Variants in E2F5 observed in about 807,000 individuals in gnomAD.
The protein encoded by E2F5 is E2F transcription factor 5, also known as transcription factor E2F5.
In E2F5, 23 loss-of-function variants were observed where a neutral mutation model predicts 39.1. The observed-to-expected ratio is 0.59, with a 90% CI of 0.42 to 0.83. The LOEUF (loss-of-function observed/expected upper bound fraction) is 0.83, where lower values mean the gene tolerates loss of function less well. Among genes scored for constraint, E2F5 ranks in the 40% least tolerant of loss-of-function variants. The pLI, the probability that E2F5 is intolerant of heterozygous loss-of-function variation, is 0.00. For missense variants in E2F5, 365 were observed against 406.7 expected (o/e 0.90, Z 0.88); for synonymous variants, 145 against 157.8 (o/e 0.92, Z 0.61).
chr8:85,186,640 G>A (rs1812342575), intron 1 of E2F5, among the ~76,000 whole-genome samples: 1 of 144,066 alleles, frequency 6.9e-6, no homozygotes, highest in South Asian at 2.1e-4. Context: ...TGGTATATAT[G>A]TAAGGTATAT....
At chr8:85,198,855 G>T (rs183265891) in intron 1 of E2F5, among the ~76,000 whole-genome samples, 2 of 152,074 alleles carry the variant, frequency 1.3e-5, no homozygotes, top group African/African-American at 4.8e-5. Context: ...ACACACTCTC[G>T]TGTCCAGTGG....
chr8:85,196,771 A>G (rs1333856317), intron 1 of E2F5, among the ~76,000 whole-genome samples: 1 of 152,232 alleles, frequency 6.6e-6, no homozygotes, highest in African/African-American at 2.4e-5. Context: ...ATGTCTCTGT[A>G]AGATTCTATT....
At chr8:85,197,432 A>G (rs541839841) in intron 1 of E2F5, among the ~76,000 whole-genome samples, 1 of 152,298 alleles carries the variant, frequency 6.6e-6, no homozygotes, top group African/African-American at 2.4e-5. Context: ...ACGTGGCCTC[A>G]TGATTATTAA....
chr8:85,213,542 TAAAAAAA>T lies in E2F5; in HGVS notation c.932-198_932-192del, dbSNP rs536955367. 208 of 121,478 alleles carry T rather than the reference TAAAAAAA, an allele frequency of 1.7e-3. 2 individuals are homozygous for T. The highest frequency in any genetic ancestry group is 7.8e-3 in the African/African-American group (155 of 19,842). The allele number at this position is 121,478 out of a possible 1,614,324, so 7.5% of individuals were successfully genotyped here. ...TGGACGAAACAGGGAGACTCCATCTTAAAAAAAAAAAAAAAAAAAGAAAAAATTAACT... is the reference window on the plus strand; with the variant it reads ...TGGACGAAACAGGGAGACTCCATCTTAAAAAAAAAAAAGAAAAAATTAACT... On this transcript the variant is annotated intron_variant, in intron 7 of 7. Transcript: ENST00000416274.
Position 85,209,397 on chromosome 8 carries a change from G to T in E2F5, c.871G>T (p.Asp291Tyr), listed in dbSNP as rs1263772285. 6.2e-7 allele frequency: 1 copy of T among 1,609,562 alleles called. No homozygotes were observed. The highest frequency in any genetic ancestry group is 8.5e-7 in the Non-Finnish European group (1 of 1,177,634). The change falls in exon 6 of 8, where the codon GAT (aspartate) becomes TAT (tyrosine). Residue 291 changes from aspartate (D) to tyrosine (Y), a missense_variant. By Grantham distance (160) the Asp-to-Tyr change is radical. Coordinates refer to ENST00000416274, the MANE Select transcript of E2F5 (RefSeq NM_001951.4). ...GGCTCTGCAGCAGACATCAGCTACA[G>T]ATATATCTTCAGGTGGGTTCAGAGC... ...SQALQQTSAT[D>Y]ISSAGSISGD... is the part of the protein sequence containing the mutation.
At chr8:85,177,823 G>A (rs1468451006) in intron 1 of E2F5, 169 bp downstream of exon 1, 1 of 1,109,056 alleles carries the variant, frequency 9.0e-7, no homozygotes, top group Non-Finnish European at 1.1e-6. Flanking sequence ...TGGACGCCGG[G>A]ATGGGGGAGG....
At chr8:85,180,534 A>ATG (rs1176361332) in intron 1 of E2F5, among the ~76,000 whole-genome samples, 2 of 117,058 alleles carry the variant, frequency 1.7e-5, no homozygotes, top group Admixed American at 1.8e-4. Context: ...ATATATATAT[A>ATG]TATATATATA....
At position 85,177,560 on chromosome 8, in the gene E2F5, G is replaced by C; in HGVS notation, c.140G>C (p.Gly47Ala). The change falls in exon 1 of 8, where the codon GGC becomes GCC. Residue 47 changes from glycine (G) to alanine (A), a missense_variant. Transcript: ENST00000416274. ...PPPQLGGAGG[G>A]SSRHEKSLGL... ...CCGCAGCTCGGGGGCGCCGGGGGCGGCAGCAGCAGGCACGAGAAGAGCCTG... is the reference window on the plus strand; with the variant it reads ...CCGCAGCTCGGGGGCGCCGGGGGCGCCAGCAGCAGGCACGAGAAGAGCCTG... 1 of 1,261,160 alleles carries C rather than the reference G, an allele frequency of 7.9e-7. No individual in the cohort carries two copies. Among genetic ancestry groups the C allele is most frequent in the Non-Finnish European group, 1.0e-6 (1 of 1,001,354 alleles). 78.1% of individuals were successfully genotyped at this position (1,261,160 alleles called of 1,614,324 possible). A position where few individuals can be genotyped will look rare whatever the true frequency, so the allele number is the denominator to read the frequency against.
At chr8:85,208,214 G>C (rs1006460412) in intron 5 of E2F5, among the ~76,000 whole-genome samples, 1 of 152,158 alleles carries the variant, frequency 6.6e-6, no homozygotes, top group Admixed American at 6.5e-5. Flanking sequence ...TGTAATCCCA[G>C]CTACTTGGGA....
chr8:85,213,499 A>T, intron 7 of E2F5: 1 of 191,804 alleles, frequency 5.2e-6, no homozygotes, highest in Non-Finnish European at 9.9e-6. Flanking sequence ...GCCGAGATCG[A>T]GCTACTGCAC....
chr8:85,181,593 C>A (rs953780273), intron 1 of E2F5, among the ~76,000 whole-genome samples: 1 of 148,088 alleles, frequency 6.8e-6, no homozygotes, highest in Non-Finnish European at 1.5e-5. Context: ...CCCACCTCGG[C>A]CTCCCAAAGT....
intron 1 of E2F5, among the ~76,000 whole-genome samples, chr8:85,193,168 T>TTA (rs1812502290): frequency 6.6e-6 from 1 of 152,148 alleles, no homozygotes; most frequent in East Asian, 1.9e-4. Flanking sequence ...TCAGTCAACT[T>TTA]TATATATATA....
chr8:85,178,869 A>C (rs982978156), intron 1 of E2F5, among the ~76,000 whole-genome samples: 1 of 152,228 alleles, frequency 6.6e-6, no homozygotes, highest in Non-Finnish European at 1.5e-5. Context: ...TTGGTGTTCA[A>C]TCAGTGATTG....
chr8:85,209,286 T>G lies in E2F5; in HGVS notation c.760T>G (p.Ser254Ala), dbSNP rs774118048. The part of the protein sequence containing the change: ...PPPDDLTQPS[S>A]QSLTPVTPQK... ...ACCTGATGACCTCACACAGCCTTCC[T>G]CCCAGTCCTTGACTCCAGTGACTCC... The change falls in exon 6 of 8, where the codon TCC becomes GCC. Residue 254 changes from serine to alanine, a missense_variant. Ser to Ala is a moderately conservative substitution (Grantham distance 99). Coordinates refer to ENST00000416274, the MANE Select transcript of E2F5 (RefSeq NM_001951.4). 4 of 1,613,948 alleles carry G rather than the reference T, an allele frequency of 2.5e-6. No homozygotes were observed. Among genetic ancestry groups the G allele is most frequent in the Non-Finnish European group, 3.4e-6 (4 of 1,179,874 alleles).
intron 6 of E2F5, among the ~76,000 whole-genome samples, chr8:85,211,653 T>G (rs532391085): frequency 2.2e-5 from 3 of 136,726 alleles, no homozygotes; most frequent in Admixed American, 1.5e-4. Context: ...GTTTTTTTTT[T>G]TTTTTTTTTT....
At position 85,191,986 on chromosome 8, in the gene E2F5, G is replaced by T. The variant is rs763841789; in HGVS notation, c.235-10161G>T. On this transcript the variant is annotated intron_variant, in intron 1 of 7. Transcript: ENST00000416274. ...ATAAATCAGATGACTGTTGTGTGAAGAGAATATTGGATTGCAAGCAGATTT... is the reference window on the plus strand; with the variant it reads ...ATAAATCAGATGACTGTTGTGTGAATAGAATATTGGATTGCAAGCAGATTT... 7.9e-5 allele frequency among the ~76,000 whole-genome samples: 12 copies of T among 152,140 alleles called. No individual in the cohort carries two copies. The South Asian group carries it at 1.4e-3, about 18-fold the overall frequency.
chr8:85,178,871 C>T (rs1812143140), intron 1 of E2F5, among the ~76,000 whole-genome samples: 1 of 152,236 alleles, frequency 6.6e-6, no homozygotes, highest in Admixed American at 6.5e-5. Flanking sequence ...GGTGTTCAAT[C>T]AGTGATTGTT....
Position 85,205,414 on chromosome 8 carries a change from T to C in E2F5, c.507-763T>C, listed in dbSNP as rs754228339. 1.4e-4 allele frequency among the ~76,000 whole-genome samples: 21 copies of C among 152,116 alleles called. 1 individual carries two copies. Among genetic ancestry groups the C allele is most frequent in the Admixed American group, 8.5e-4 (13 of 15,274 alleles). On this transcript the variant is annotated intron_variant, in intron 3 of 7. Coordinates refer to ENST00000416274, the MANE Select transcript of E2F5 (RefSeq NM_001951.4). ...CCATGCCCTGCTAAGTTTTGTATTTTAGTAGAGATGGGTTTCACCATCTCT... is the reference window on the plus strand; with the variant it reads ...CCATGCCCTGCTAAGTTTTGTATTTCAGTAGAGATGGGTTTCACCATCTCT...
intron 1 of E2F5, among the ~76,000 whole-genome samples, chr8:85,184,665 A>G (rs1812290657): frequency 6.6e-6 from 1 of 152,238 alleles, no homozygotes; most frequent in African/African-American, 2.4e-5. Flanking sequence ...AACTTCAGCA[A>G]AGTCTCAAGA....
Sources: allele counts gnomAD v4.1 joint callset (sites outside exome capture counted in the v4.1 genomes callset), GRCh38; gene constraint gnomAD v4.1.1; transcripts MANE v1.5; gene names NCBI Gene and HGNC (gene_info 2026-07-23, HGNC 2026-07-21).